Variants in KPNA5 observed in about 807,000 individuals in gnomAD.
KPNA5 encodes the protein karyopherin subunit alpha 5, also known as importin subunit alpha-6.
In KPNA5, 46 loss-of-function variants were observed where a neutral mutation model predicts 71.3. The observed-to-expected ratio is 0.65, with a 90% CI of 0.51 to 0.83. The LOEUF (loss-of-function observed/expected upper bound fraction) is 0.83, where lower values mean the gene tolerates loss of function less well. KPNA5 is among the 40% of genes least tolerant of loss of function. The pLI is 0.00. For synonymous variants in KPNA5, 207 were observed against 201.4 expected (o/e 1.03, Z -0.24); for missense variants, 547 against 628.3 (o/e 0.87, Z 1.38).
At chr6:116,715,277 G>A (rs901304871) in intron 7 of KPNA5, among the ~76,000 whole-genome samples, 1 of 152,042 alleles carries the variant, frequency 6.6e-6, no homozygotes, top group Non-Finnish European at 1.5e-5. Flanking sequence ...TTTGATGTAT[G>A]TGCTTTTTTT....
chr6:116,689,490 A>G, intron 2 of KPNA5, 37 bp downstream of exon 2: 1 of 1,451,166 alleles, frequency 6.9e-7, no homozygotes, highest in South Asian at 1.4e-5. Flanking sequence ...GTTTTTTAAA[A>G]TTTTAATTAT....
intron 7 of KPNA5, among the ~76,000 whole-genome samples, chr6:116,711,023 T>C (rs1778654925): frequency 6.6e-6 from 1 of 150,736 alleles, no homozygotes; most frequent in Non-Finnish European, 1.5e-5. Context: ...GCCTCCCAAG[T>C]AGCTGGGATT....
chr6:116,726,888 G>T (rs1779312154), intron 12 of KPNA5, among the ~76,000 whole-genome samples: 1 of 151,976 alleles, frequency 6.6e-6, no homozygotes, highest in Admixed American at 6.6e-5. Context: ...TTAATTTGCA[G>T]AGTACACTGT....
At position 116,737,381 on chromosome 6, in the gene KPNA5, T is replaced by C. The variant is rs1348927863; in HGVS notation, c.*5058T>C. The C allele has an allele frequency of 1.3e-5, 2 of 152,018 alleles. No individual in the cohort carries two copies. The highest frequency in any genetic ancestry group is 2.9e-5 in the Non-Finnish European group (2 of 67,976). 9.4% of individuals were successfully genotyped at this position (152,018 alleles called of 1,614,324 possible). A position where few individuals can be genotyped will look rare whatever the true frequency, so the allele number is the denominator to read the frequency against. Reference sequence around the variant, plus strand: ...GTAGTCACATGTGGTCAATAGTACTTGGCTGAAGACTCAAAGGGGAATCCT... The same window carrying C: ...GTAGTCACATGTGGTCAATAGTACTCGGCTGAAGACTCAAAGGGGAATCCT... On this transcript the variant is annotated 3_prime_UTR_variant, in exon 14 of 14. Transcript: ENST00000368564.
At chr6:116,724,983 A>G (rs1779242184) in intron 10 of KPNA5, among the ~76,000 whole-genome samples, 1 of 152,196 alleles carries the variant, frequency 6.6e-6, no homozygotes, top group Admixed American at 6.5e-5. Context: ...ACCGCCTTAC[A>G]GTGTATTTTT....
intron 7 of KPNA5, among the ~76,000 whole-genome samples, chr6:116,708,747 A>G (rs75591041): frequency 0.032 from 4,919 of 152,176 alleles, 228 homozygotes; most frequent in African/African-American, 0.1. Context: ...TTGGTAGTGT[A>G]TAGAAATACA....
intron 6 of KPNA5, among the ~76,000 whole-genome samples, chr6:116,702,815 A>T (rs917452461): frequency 2.0e-5 from 3 of 152,242 alleles, no homozygotes; most frequent in Admixed American, 2.0e-4. Flanking sequence ...TAAGAATATC[A>T]CATTACTTTG....
chr6:116,712,735 G>T (rs1778747506), intron 7 of KPNA5, among the ~76,000 whole-genome samples: 1 of 152,070 alleles, frequency 6.6e-6, no homozygotes, highest in Non-Finnish European at 1.5e-5. Flanking sequence ...AAGGCACTGG[G>T]ATTATAGGTG....
At chr6:116,686,882 G>C (rs947799878) in intron 1 of KPNA5, among the ~76,000 whole-genome samples, 1 of 152,002 alleles carries the variant, frequency 6.6e-6, no homozygotes, top group Non-Finnish European at 1.5e-5. Context: ...TTGTTTCATT[G>C]GTCTATGTGT....
chr6:116,729,455 A>T (rs572982409), intron 12 of KPNA5, 108 bp from the exon 13 acceptor site: 8 of 611,532 alleles, frequency 1.3e-5, no homozygotes, highest in African/African-American at 1.1e-4. Context: ...TTAATTGCTT[A>T]TGTAACATTT....
intron 4 of KPNA5, among the ~76,000 whole-genome samples, chr6:116,695,119 T>C (rs1187982627): frequency 1.3e-5 from 2 of 152,026 alleles, no homozygotes; most frequent in Non-Finnish European, 2.9e-5. Context: ...CCCAGCTAAT[T>C]TTTAGTAGAG....
rs1447362251 is a variant in KPNA5 at position 116,738,113 on chromosome 6, TAAA to T, written c.*5791_*5793del. 2 of 151,430 alleles carry T rather than the reference TAAA, an allele frequency of 1.3e-5. No individual in the cohort carries two copies. Among genetic ancestry groups the T allele is most frequent in the African/African-American group, 2.4e-5 (1 of 41,208 alleles). 9.4% of individuals were successfully genotyped at this position (151,430 alleles called of 1,614,324 possible). On this transcript the variant is annotated 3_prime_UTR_variant, in exon 14 of 14. Coordinates refer to ENST00000368564, the MANE Select transcript of KPNA5 (RefSeq NM_001366306.2). The stretch of plus-strand genomic sequence containing the variant: ...ATTGACAGACCGTTAGCAAGACTAA[TAAA>T]GAAGAAAAGAGAGAAGAATCAAATA...
intron 12 of KPNA5, among the ~76,000 whole-genome samples, chr6:116,729,090 A>G (rs967938076): frequency 1.3e-5 from 2 of 150,854 alleles, no homozygotes; most frequent in African/African-American, 4.9e-5. Flanking sequence ...TTTTTATGGG[A>G]AATTTTCTCA....
intron 7 of KPNA5, among the ~76,000 whole-genome samples, chr6:116,709,316 C>T (rs775460015): frequency 1.3e-5 from 2 of 151,826 alleles, no homozygotes; most frequent in Non-Finnish European, 2.9e-5. Context: ...CATGCCTCAA[C>T]TCTCCCAAGT....
chr6:116,689,902 T>C (rs144941496), intron 2 of KPNA5, among the ~76,000 whole-genome samples: 2 of 152,386 alleles, frequency 1.3e-5, no homozygotes, highest in African/African-American at 4.8e-5. Context: ...ATACTTTTCA[T>C]ATGTGACATA....
chr6:116,705,052 TA>T lies in KPNA5; in HGVS notation c.568-18del. 1.3e-6 allele frequency: 2 copies of T among 1,557,054 alleles called. No individual in the cohort carries two copies. Among genetic ancestry groups the T allele is most frequent in the Non-Finnish European group, 8.8e-7 (1 of 1,136,164 alleles). On this transcript the variant is annotated intron_variant, in intron 6 of 13. Coordinates refer to ENST00000368564, the MANE Select transcript of KPNA5 (RefSeq NM_001366306.2). ...TCTAATTTAAAATATTGTCTTAAGA[TA>T]ATTTTTTTTTTTCCTAAGGCTGTTT...
At chr6:116,703,317 C>G (rs1778298938) in intron 6 of KPNA5, among the ~76,000 whole-genome samples, 1 of 151,054 alleles carries the variant, frequency 6.6e-6, no homozygotes, top group Non-Finnish European at 1.5e-5. Context: ...CGCTGGAATG[C>G]AATGGCGCGA....
intron 6 of KPNA5, among the ~76,000 whole-genome samples, chr6:116,703,733 A>G (rs1019005761): frequency 6.6e-6 from 1 of 152,202 alleles, no homozygotes; most frequent in Non-Finnish European, 1.5e-5. Context: ...TCTAGAGTAG[A>G]TGTTAAAAAT....
intron 12 of KPNA5, among the ~76,000 whole-genome samples, chr6:116,728,371 C>T (rs963382671): frequency 1.3e-5 from 2 of 152,042 alleles, no homozygotes; most frequent in East Asian, 3.9e-4. Flanking sequence ...TTTCTAACCA[C>T]TTTTATCATT....
Sources: gnomAD v4.1 joint callset for allele counts (sites outside exome capture counted in the v4.1 genomes callset) on GRCh38, gnomAD v4.1.1 for gene constraint, MANE v1.5 for transcripts, NCBI Gene and HGNC (gene_info 2026-07-23, HGNC 2026-07-21) for gene names.